Variants in CACNA2D3 observed in about 807,000 individuals in gnomAD.
CACNA2D3 encodes the protein voltage-dependent calcium channel subunit alpha-2/delta-3.
A neutral mutation model predicts 160.6 loss-of-function variants in CACNA2D3; 60 were observed. The ratio of observed to expected loss-of-function variants is 0.37; its 90% CI spans 0.30 to 0.46. The LOEUF (loss-of-function observed/expected upper bound fraction) is 0.46. CACNA2D3 is among the 20% of genes least tolerant of loss of function. The probability of loss-of-function intolerance (pLI) is 1.00; values close to 1 mark genes in which losing one functional copy is unlikely to be tolerated. For missense variants in CACNA2D3, 1,205 were observed against 1,365.0 expected, an observed-to-expected ratio of 0.88 and a Z score of 1.85; for synonymous variants, 558 against 492.9, an observed-to-expected ratio of 1.13 and a Z score of -1.75.
intron 27 of CACNA2D3, among the ~76,000 whole-genome samples, chr3:54,958,705 C>G (rs1701962055): frequency 6.6e-6 from 1 of 152,202 alleles, no homozygotes; most frequent in Admixed American, 6.5e-5. Context: ...TACAAACTGT[C>G]TCAATTCTCT....
intron 5 of CACNA2D3, among the ~76,000 whole-genome samples, chr3:54,528,315 T>C (rs986679199): frequency 6.6e-6 from 1 of 151,880 alleles, no homozygotes; most frequent in African/African-American, 2.4e-5. Flanking sequence ...AGAAGGTTGT[T>C]GTGAGGATTA....
At chr3:54,272,038 A>T (rs186560335) in intron 2 of CACNA2D3, among the ~76,000 whole-genome samples, 1 of 152,276 alleles carries the variant, frequency 6.6e-6, no homozygotes, top group Non-Finnish European at 1.5e-5. Flanking sequence ...AGACACCCAG[A>T]CAGGGAAGAG....
chr3:55,038,941 G>A (rs1041139868), intron 35 of CACNA2D3, among the ~76,000 whole-genome samples: 13 of 144,818 alleles, frequency 9.0e-5, no homozygotes, highest in Non-Finnish European at 1.2e-4. Flanking sequence ...TAACCTATTG[G>A]TGTGATTATT....
At chr3:54,777,911 G>A (rs1433145475) in intron 13 of CACNA2D3, among the ~76,000 whole-genome samples, 1 of 152,168 alleles carries the variant, frequency 6.6e-6, no homozygotes, top group Non-Finnish European at 1.5e-5. Context: ...AATTTGAAAA[G>A]TTTTCATAAA....
chr3:54,570,981 C>A (rs114548634), intron 8 of CACNA2D3, among the ~76,000 whole-genome samples: 1,573 of 152,282 alleles, frequency 0.01, 38 homozygotes, highest in African/African-American at 0.035. Flanking sequence ...GGCACCTGTT[C>A]AGCTTGGTTC....
intron 27 of CACNA2D3, among the ~76,000 whole-genome samples, chr3:54,952,489 G>T (rs145454139): frequency 3.4e-4 from 51 of 152,234 alleles, no homozygotes; most frequent in African/African-American, 1.2e-3. Context: ...AAAACATGAG[G>T]CAAAAACTTG....
At position 54,809,896 on chromosome 3, in the gene CACNA2D3, C is replaced by T. The variant is rs931856097; in HGVS notation, c.1381-6957C>T. ...AGTGAATAAGATAGATACAGTCCCT[C>T]GGTAGATCTTATATGGAGGTCATCA... On this transcript the variant is annotated intron_variant, in intron 13 of 37. Transcript: ENST00000474759. 3.0e-4 allele frequency among the ~76,000 whole-genome samples: 46 copies of T among 152,194 alleles called. 4 individuals carry two copies. Among genetic ancestry groups the T allele is most frequent in the Admixed American group, 2.0e-3 (30 of 15,292 alleles).
chr3:54,908,559 A>T (rs1700494125), intron 27 of CACNA2D3, among the ~76,000 whole-genome samples: 1 of 152,140 alleles, frequency 6.6e-6, no homozygotes, highest in Non-Finnish European at 1.5e-5. Flanking sequence ...CTACAAAAAA[A>T]TACAGAAATT....
intron 14 of CACNA2D3, among the ~76,000 whole-genome samples, chr3:54,832,020 C>T (rs866867710): frequency 0.038 from 5,290 of 139,772 alleles, 231 homozygotes; most frequent in Non-Finnish European, 0.053. Flanking sequence ...GTCACACACA[C>T]ACACACACAC....
intron 5 of CACNA2D3, among the ~76,000 whole-genome samples, chr3:54,522,064 A>G (rs1410534860): frequency 6.6e-6 from 1 of 152,148 alleles, no homozygotes; most frequent in Non-Finnish European, 1.5e-5. Flanking sequence ...CAGTTTGTCA[A>G]TTTCTACAAA....
At chr3:54,689,770 A>G (rs905084849) in intron 11 of CACNA2D3, among the ~76,000 whole-genome samples, 5 of 152,016 alleles carry the variant, frequency 3.3e-5, no homozygotes, top group Non-Finnish European at 7.4e-5. Flanking sequence ...CATGAACACT[A>G]CACTAGCCTC....
At chr3:54,295,058 G>C (rs563905734) in intron 2 of CACNA2D3, among the ~76,000 whole-genome samples, 1 of 152,288 alleles carries the variant, frequency 6.6e-6, no homozygotes, top group South Asian at 2.1e-4. Context: ...CCAGTCAAAG[G>C]CTGTATGGAT....
intron 27 of CACNA2D3, among the ~76,000 whole-genome samples, chr3:54,905,637 G>T (rs1278377270): frequency 6.6e-6 from 1 of 152,180 alleles, no homozygotes; most frequent in East Asian, 1.9e-4. Flanking sequence ...GCCACCAGGG[G>T]ACATTTGGCA....
chr3:54,479,233 A>G (rs1196812063), intron 4 of CACNA2D3, among the ~76,000 whole-genome samples: 1 of 152,054 alleles, frequency 6.6e-6, no homozygotes, highest in African/African-American at 2.4e-5. Context: ...TTCCACTGTG[A>G]TTGTAAGTTT....
At chr3:54,886,935 C>CTTTTTTTTTTT (rs60899252) in intron 23 of CACNA2D3, among the ~76,000 whole-genome samples, 2,359 of 107,364 alleles carry the variant, frequency 0.022, 140 homozygotes, top group East Asian at 0.026. Flanking sequence ...CAGCAAAGCT[C>CTTTTTTTTTTT]TTTTTTTTTT....
chr3:54,174,923 G>A (rs1700647961), intron 2 of CACNA2D3, among the ~76,000 whole-genome samples: 2 of 152,142 alleles, frequency 1.3e-5, no homozygotes, highest in Admixed American at 1.3e-4. Flanking sequence ...GATTTTTGAG[G>A]TATTGTTACC....
At chr3:54,885,163 C>G in intron 21 of CACNA2D3, 118 bp from the exon 22 acceptor site, 1 of 938,998 alleles carries the variant, frequency 1.1e-6, no homozygotes, top group African/African-American at 1.6e-5. Context: ...AAGGCAGGTC[C>G]CTTAGGGTTG....
At chr3:55,031,943 G>A (rs955873652) in intron 35 of CACNA2D3, among the ~76,000 whole-genome samples, 2 of 152,114 alleles carry the variant, frequency 1.3e-5, no homozygotes, top group African/African-American at 4.8e-5. Flanking sequence ...TATATTTCAC[G>A]AGTGATTCCA....
At chr3:54,338,306 A>G (rs559857024) in intron 3 of CACNA2D3, among the ~76,000 whole-genome samples, 1 of 152,270 alleles carries the variant, frequency 6.6e-6, no homozygotes, top group African/African-American at 2.4e-5. Flanking sequence ...GAAAATATGA[A>G]CTCTAACCCA....
Sources: gnomAD v4.1 joint callset for allele counts (sites outside exome capture counted in the v4.1 genomes callset) on GRCh38, gnomAD v4.1.1 for gene constraint, MANE v1.5 for transcripts, NCBI Gene and HGNC (gene_info 2026-07-23, HGNC 2026-07-21) for gene names.